Variants in PRMT7 observed in about 807,000 individuals in gnomAD.
The protein encoded by PRMT7 is protein arginine N-methyltransferase 7.
Under a neutral mutation model 85.4 loss-of-function variants are expected in PRMT7, and 75 were observed. That is an observed-to-expected ratio of 0.88 (90% CI 0.73 to 1.06). The LOEUF (loss-of-function observed/expected upper bound fraction) is 1.06. Among genes scored for constraint, PRMT7 ranks in the 50% least tolerant of loss-of-function variants. The pLI is 0.00. For missense variants in PRMT7, 868 were observed against 915.2 expected (o/e 0.95, Z 0.67); for synonymous variants, 397 against 359.5 (o/e 1.10, Z -1.18).
chr16:68,339,743 G>A (rs1417532750), intron 8 of PRMT7, 45 bp from the exon 9 acceptor site: 2 of 1,593,718 alleles, frequency 1.3e-6, no homozygotes, highest in African/African-American at 1.3e-5. Flanking sequence ...AAAATGGAGT[G>A]TGTGAGGTTA....
intron 9 of PRMT7, among the ~76,000 whole-genome samples, 182 bp from the exon 10 acceptor site, chr16:68,345,493 G>A (rs980585182): frequency 1.3e-5 from 2 of 152,184 alleles, no homozygotes; most frequent in Non-Finnish European, 2.9e-5. Context: ...CAGGGTTCCC[G>A]CAAACTTTTG....
intron 6 of PRMT7, chr16:68,329,433 T>C (rs142635736): frequency 1.0e-3 from 298 of 289,236 alleles, no homozygotes; most frequent in Non-Finnish European, 1.8e-3. Context: ...TTTAAGCAAA[T>C]TGGAATTCTT....
At chr16:68,347,571 C>CT in intron 12 of PRMT7, 60 bp from the exon 13 acceptor site, 2 of 1,547,954 alleles carry the variant, frequency 1.3e-6, no homozygotes, top group Admixed American at 3.3e-5. Context: ...GCATTTTAAT[C>CT]TTTAATTTCT....
chr16:68,324,809 G>A lies in PRMT7; in HGVS notation c.259G>A (p.Ala87Thr), dbSNP rs199750494. 5.5e-5 allele frequency: 89 copies of A among 1,614,038 alleles called. No homozygotes were observed. The highest frequency in any genetic ancestry group is 1.5e-4 in the Admixed American group (9 of 59,990). ...GTCAATGATGGCGGTCACAGCAGGT[G>A]CCGACTTCTGCTATGCCATCGAGGT... The part of the protein sequence containing the change: ...LLSMMAVTAG[A>T]DFCYAIEVFK... The change falls in exon 5 of 19, where the codon GCC (alanine) becomes ACC (threonine). Residue 87 changes from alanine (A) to threonine (T), a missense_variant. Ala to Thr is a moderately conservative substitution (Grantham distance 58, BLOSUM62 0). Coordinates refer to ENST00000441236, the MANE Select transcript of PRMT7 (RefSeq NM_019023.5).
intron 1 of PRMT7, chr16:68,311,432 T>C: frequency 4.2e-6 from 1 of 238,756 alleles, no homozygotes; most frequent in South Asian, 4.2e-5. Context: ...CCTGTTGTCT[T>C]TGCCACTCAC....
intron 18 of PRMT7, 40 bp from the exon 19 acceptor site, chr16:68,357,014 C>A: frequency 6.4e-7 from 1 of 1,562,720 alleles, no homozygotes; most frequent in South Asian, 1.2e-5. Flanking sequence ...GGCTCAGGTG[C>A]CAGGGAGCCC....
At chr16:68,331,971 A>C (rs989346345) in intron 6 of PRMT7, among the ~76,000 whole-genome samples, 2 of 151,666 alleles carry the variant, frequency 1.3e-5, no homozygotes, top group Admixed American at 6.6e-5. Flanking sequence ...TCTGGGTCAC[A>C]TTTTCCTTCT....
intron 6 of PRMT7, among the ~76,000 whole-genome samples, chr16:68,337,149 AT>A (rs1331428031): frequency 6.6e-6 from 1 of 152,162 alleles, no homozygotes; most frequent in Non-Finnish European, 1.5e-5. Flanking sequence ...TAGTTTTCTT[AT>A]CATTTTTTGC....
At chr16:68,348,780 AG>A (rs2086814852) in intron 14 of PRMT7, among the ~76,000 whole-genome samples, 1 of 151,470 alleles carries the variant, frequency 6.6e-6, no homozygotes, top group Non-Finnish European at 1.5e-5. Flanking sequence ...CTGGGACTGT[AG>A]GCATGTGCCA....
At chr16:68,326,293 A>G (rs2083105528) in intron 5 of PRMT7, among the ~76,000 whole-genome samples, 1 of 152,090 alleles carries the variant, frequency 6.6e-6, no homozygotes, top group Non-Finnish European at 1.5e-5. Flanking sequence ...GTTTTTTGCT[A>G]TCTTTTTCGT....
At chr16:68,331,971 A>G (rs989346345) in intron 6 of PRMT7, among the ~76,000 whole-genome samples, 4 of 151,784 alleles carry the variant, frequency 2.6e-5, no homozygotes, top group East Asian at 3.9e-4. Flanking sequence ...TCTGGGTCAC[A>G]TTTTCCTTCT....
At chr16:68,316,576 A>T (rs2081886790) in intron 3 of PRMT7, among the ~76,000 whole-genome samples, 1 of 151,156 alleles carries the variant, frequency 6.6e-6, no homozygotes, top group Non-Finnish European at 1.5e-5. Context: ...GACCAGCCTG[A>T]CCAACATGGA....
intron 6 of PRMT7, among the ~76,000 whole-genome samples, chr16:68,333,814 C>G (rs1342962576): frequency 6.6e-6 from 1 of 152,066 alleles, no homozygotes; most frequent in Non-Finnish European, 1.5e-5. Context: ...GCTCTGTCGC[C>G]CAGGCTGGAG....
chr16:68,316,366 T>C (rs1366607469), intron 3 of PRMT7, among the ~76,000 whole-genome samples: 1 of 152,234 alleles, frequency 6.6e-6, no homozygotes, highest in Non-Finnish European at 1.5e-5. Context: ...TTGAATCATT[T>C]ACTTGCCTTA....
intron 3 of PRMT7, among the ~76,000 whole-genome samples, chr16:68,316,472 A>T (rs572126337): frequency 6.6e-6 from 1 of 152,176 alleles, no homozygotes; most frequent in Non-Finnish European, 1.5e-5. Context: ...ATTTAAAAGT[A>T]TGTGAGTTGT....
chr16:68,338,570 G>A (rs1025291504), intron 7 of PRMT7, among the ~76,000 whole-genome samples: 3 of 152,140 alleles, frequency 2.0e-5, no homozygotes, highest in Admixed American at 1.3e-4. Flanking sequence ...GTGGGGCGGA[G>A]GAAGCACAGC....
chr16:68,321,557 T>C (rs2082499579), intron 4 of PRMT7, 95 bp downstream of exon 4: 1 of 1,213,302 alleles, frequency 8.2e-7, no homozygotes, highest in East Asian at 2.4e-5. Context: ...TGATGTTAAA[T>C]GATACTGAGA....
intron 7 of PRMT7, 62 bp downstream of exon 7, chr16:68,337,633 C>G (rs1420429618): frequency 8.8e-6 from 10 of 1,137,428 alleles, no homozygotes; most frequent in East Asian, 7.3e-5. Context: ...ATAGCACTCA[C>G]TCATGCACCG....
At chr16:68,345,954 A>G in intron 10 of PRMT7, 152 bp downstream of exon 10, 1 of 1,348,980 alleles carries the variant, frequency 7.4e-7, no homozygotes, top group South Asian at 1.3e-5. Context: ...GTCAGTGCCC[A>G]TTCGTGTGTA....
Sources: allele counts gnomAD v4.1 joint callset (sites outside exome capture counted in the v4.1 genomes callset), GRCh38; gene constraint gnomAD v4.1.1; transcripts MANE v1.5; gene names NCBI Gene and HGNC (gene_info 2026-07-23, HGNC 2026-07-21).